Variants in SLC25A25 observed in about 807,000 individuals in gnomAD.
SLC25A25 encodes the protein mitochondrial adenyl nucleotide antiporter SLC25A25.
Under a neutral mutation model 57.7 loss-of-function variants are expected in SLC25A25, and 32 were observed. That is an observed-to-expected ratio of 0.55 (90% CI 0.42 to 0.74). SLC25A25 has a LOEUF of 0.74. Among genes scored for constraint, SLC25A25 ranks in the 30% least tolerant of loss-of-function variants. SLC25A25 has a pLI of 0.00. For missense variants in SLC25A25, 556 were observed against 701.3 expected (o/e 0.79, Z 2.34); for synonymous variants, 306 against 291.2 (o/e 1.05, Z -0.52).
intron 1 of SLC25A25, chr9:128,092,157 A>C: frequency 6.4e-7 from 1 of 1,557,246 alleles, no homozygotes; most frequent in Non-Finnish European, 8.7e-7. Flanking sequence ...TGGGGAAAAA[A>C]CGAGTGTGGG....
rs560185922 is a variant in SLC25A25, at chr9:128,086,221, G to A, written c.262-14875G>A. ...TCTGTTGCCCAGGCTAGAATGTGTG[G>A]TGTGATCATATCTCACTGCAACCTT... is the stretch of plus-strand genomic sequence containing the variant. On this transcript the variant is annotated intron_variant, in intron 1 of 10. Coordinates refer to ENST00000373069, the MANE Select transcript of SLC25A25 (RefSeq NM_001330988.2). 8.6e-5 allele frequency among the ~76,000 whole-genome samples: 13 copies of A among 151,628 alleles called. No homozygotes were observed. The South Asian group carries it at 2.3e-3, about 27-fold the overall frequency.
intron 1 of SLC25A25, among the ~76,000 whole-genome samples, chr9:128,085,416 G>A (rs575339399): frequency 6.6e-6 from 1 of 152,036 alleles, no homozygotes; most frequent in Non-Finnish European, 1.5e-5. Flanking sequence ...GATCACTTGA[G>A]CCCAGGAGTT....
At chr9:128,081,758 A>G (rs1435291273) in intron 1 of SLC25A25, among the ~76,000 whole-genome samples, 4 of 152,028 alleles carry the variant, frequency 2.6e-5, no homozygotes, top group African/African-American at 9.7e-5. Flanking sequence ...GGGAGACCCA[A>G]TCTCTACAAA....
intron 1 of SLC25A25, among the ~76,000 whole-genome samples, chr9:128,079,287 C>CAT (rs1294941196): frequency 6.6e-6 from 1 of 151,948 alleles, no homozygotes; most frequent in Non-Finnish European, 1.5e-5. Context: ...GGCTCCATAC[C>CAT]TTTCCTCCTG....
At position 128,102,451 on chromosome 9, in the gene SLC25A25, C is replaced by G. The variant is rs754116133; in HGVS notation, c.594C>G (p.Pro198=). 1 of 1,613,950 alleles carries G rather than the reference C, an allele frequency of 6.2e-7. No individual in the cohort carries two copies. Among genetic ancestry groups the G allele is most frequent in the South Asian group, 1.1e-5 (1 of 91,070 alleles). Residue 198 remains proline, a synonymous_variant, in exon 5 of 11, where the codon CCC becomes CCG. Coordinates refer to ENST00000373069, the MANE Select transcript of SLC25A25 (RefSeq NM_001330988.2). The surrounding 1 kb of genome is among the most constrained non-coding windows in gnomAD (Gnocchi z 4.1). ...YHLLHPVENI[P]EIILYWKHST... ...TCCTCCACCCCGTGGAAAACATCCC[C>G]GAGATCATCCTCTACTGGAAGCATT... is the stretch of plus-strand genomic sequence containing the variant.
intron 1 of SLC25A25, among the ~76,000 whole-genome samples, chr9:128,088,750 C>T (rs773105784): frequency 6.6e-6 from 1 of 152,092 alleles, no homozygotes; most frequent in Non-Finnish European, 1.5e-5. Context: ...TTGCCGGAAG[C>T]CCTTGAACTC....
chr9:128,097,393 T>A (rs1833592849), intron 1 of SLC25A25, among the ~76,000 whole-genome samples: 1 of 152,250 alleles, frequency 6.6e-6, no homozygotes, highest in Non-Finnish European at 1.5e-5. Context: ...GTGGCTATCC[T>A]GGGGAACTGA....
At chr9:128,068,860 G>A (rs370866336) in intron 1 of SLC25A25, among the ~76,000 whole-genome samples, 3 of 152,208 alleles carry the variant, frequency 2.0e-5, no homozygotes, top group Admixed American at 6.5e-5. Flanking sequence ...TAGAAGGCCA[G>A]GTCTCAGGAG....
At chr9:128,083,568 G>C (rs1833207163) in intron 1 of SLC25A25, among the ~76,000 whole-genome samples, 1 of 138,394 alleles carries the variant, frequency 7.2e-6, no homozygotes, top group Non-Finnish European at 1.5e-5. Flanking sequence ...GGAGTGCAGT[G>C]GCGCGATCTC....
Position 128,107,523 on chromosome 9 carries a change from T to C in SLC25A25, c.*79T>C. ...GTGTGCAGCCATCTCATTCTGTGAA[T>C]GTGCCAACACTAAGCTGTCTCGAGC... On this transcript the variant is annotated 3_prime_UTR_variant, in exon 11 of 11. Transcript: ENST00000373069. 2 of 1,459,774 alleles carry C rather than the reference T, an allele frequency of 1.4e-6. No homozygotes were observed. Among genetic ancestry groups the C allele is most frequent in the Non-Finnish European group, 1.8e-6 (2 of 1,095,768 alleles). 90.4% of individuals were successfully genotyped at this position (1,459,774 alleles called of 1,614,324 possible).
chr9:128,088,606 A>G (rs1425538063), intron 1 of SLC25A25, among the ~76,000 whole-genome samples: 3 of 152,140 alleles, frequency 2.0e-5, no homozygotes, highest in Admixed American at 2.0e-4. Flanking sequence ...CTTCGTTTGT[A>G]TACATTGTAT....
chr9:128,107,185 G>C lies in SLC25A25; in HGVS notation c.1363+6G>C, dbSNP rs752328329. 6.2e-7 allele frequency: 1 copy of C among 1,613,516 alleles called. No individual in the cohort carries two copies. Among genetic ancestry groups the C allele is most frequent in the African/African-American group, 1.3e-5 (1 of 74,926 alleles). On this transcript the variant is annotated splice_donor_region_variant and intron_variant, in intron 10 of 10. Transcript: ENST00000373069. ...GACCCGGATGCAGGCGCAAGGTAAG[G>C]CTGGCCCTGGACAGTCCCCTGGGAG... is the stretch of plus-strand genomic sequence containing the variant.
At chr9:128,071,222 T>A (rs1832901647) in intron 1 of SLC25A25, among the ~76,000 whole-genome samples, 1 of 152,112 alleles carries the variant, frequency 6.6e-6, no homozygotes, top group African/African-American at 2.4e-5. Flanking sequence ...AAGGAGAAAG[T>A]GATCATTTTT....
At position 128,099,227 on chromosome 9, in the gene SLC25A25, C is replaced by G; in HGVS notation, c.262-1869C>G. 2 of 1,288,754 alleles carry G rather than the reference C, an allele frequency of 1.6e-6. No individual in the cohort carries two copies. Among genetic ancestry groups the G allele is most frequent in the Admixed American group, 2.3e-5 (1 of 43,488 alleles). 79.8% of individuals were successfully genotyped at this position (1,288,754 alleles called of 1,614,324 possible). ...AGCCGAGCTGCAGAGTCCGGAGGCC[C>G]CTTGCCACCTCGGCTTCTCGGTTAA... On this transcript the variant is annotated intron_variant, in intron 1 of 10. Coordinates refer to ENST00000373069, the MANE Select transcript of SLC25A25 (RefSeq NM_001330988.2). This position sits in a 1 kb window ranked among gnomAD's most constrained non-coding sequence, Gnocchi z 6.8.
chr9:128,107,049 G>A lies in SLC25A25; in HGVS notation c.1233G>A (p.Leu411=), dbSNP rs369981036. The change falls in exon 10 of 11, where the codon CTG becomes CTA. Residue 411 remains leucine, a synonymous_variant. Coordinates refer to ENST00000373069, the MANE Select transcript of SLC25A25 (RefSeq NM_001330988.2). ...TCTAGACGCTCAAGAATGCCTGGCT[G>A]CAGCACTATGCAGTGAACAGCGCGG... ...AVYETLKNAW[L]QHYAVNSADP... 102 of 1,613,936 alleles carry A rather than the reference G, an allele frequency of 6.3e-5. No homozygotes were observed. Among genetic ancestry groups the A allele is most frequent in the Non-Finnish European group, 8.6e-5 (102 of 1,179,960 alleles).
Position 128,106,466 on chromosome 9 carries a change from C to A in SLC25A25, c.1158C>A (p.Val386=). ...EGVAAFYKGY[V]PNMLGIIPYA... ...TGGCCGCCTTCTACAAAGGCTATGT[C>A]CCCAACATGCTGGGCATCATCCCCT... The change falls in exon 9 of 11, where the codon GTC becomes GTA. Residue 386 remains valine, a synonymous_variant. Transcript: ENST00000373069. The A allele has an allele frequency of 6.2e-7, 1 of 1,612,936 alleles. No homozygotes were observed. The highest frequency in any genetic ancestry group is 2.2e-5 in the East Asian group (1 of 44,886).
Position 128,068,331 on chromosome 9 carries a change from T to C in SLC25A25, c.12T>C (p.Ser4=). 3.3e-6 allele frequency: 5 copies of C among 1,503,372 alleles called. No individual in the cohort carries two copies. In the East Asian group the frequency reaches 1.1e-4, roughly 33 times the overall value. The allele number at this position is 1,503,372 out of a possible 1,614,324, so 93.1% of individuals were successfully genotyped here. Residue 4 remains serine, a synonymous_variant, in exon 1 of 11, where the codon AGT becomes AGC. Transcript: ENST00000373069. ...CTGCCTCGCGCCCGATGGTGAGCAG[T>C]GTGTTGTGCCGCTGTGTGGCCTCCC... The part of the protein sequence containing the change: MVS[S]VLCRCVASPP...
chr9:128,096,087 T>C (rs1833548570), intron 1 of SLC25A25, among the ~76,000 whole-genome samples: 1 of 151,490 alleles, frequency 6.6e-6, no homozygotes, highest in African/African-American at 2.4e-5. Context: ...CAAACAATAA[T>C]TTAACAAAGG....
chr9:128,083,676 A>T (rs1370680377), intron 1 of SLC25A25, among the ~76,000 whole-genome samples: 2 of 143,188 alleles, frequency 1.4e-5, no homozygotes, highest in Non-Finnish European at 1.5e-5. Context: ...CGCCCAGCGA[A>T]TTTTTTTTTT....
Sources: gnomAD v4.1 joint callset for allele counts (sites outside exome capture counted in the v4.1 genomes callset) on GRCh38, gnomAD v4.1.1 for gene constraint, Gnocchi (gnomAD v3.1) non-coding constraint, MANE v1.5 for transcripts, NCBI Gene and HGNC (gene_info 2026-07-23, HGNC 2026-07-21) for gene names.